KCNH1: variants seen among roughly 807,000 people sequenced by gnomAD.
The protein encoded by KCNH1 is potassium voltage-gated channel subfamily H member 1.
A neutral mutation model predicts 69.2 loss-of-function variants in KCNH1; 27 were observed. The ratio of observed to expected loss-of-function variants is 0.39; its 90% CI spans 0.29 to 0.54. KCNH1 has a LOEUF of 0.54. KCNH1 is among the 20% of genes least tolerant of loss of function. KCNH1 has a pLI of 0.68. For missense variants in KCNH1, 798 were observed against 1,261.6 expected (o/e 0.63, Z 5.57); for synonymous variants, 456 against 487.7 (o/e 0.93, Z 0.86).
chr1:210,855,109 C>G (rs1228752724), intron 7 of KCNH1, among the ~76,000 whole-genome samples: 1 of 152,098 alleles, frequency 6.6e-6, no homozygotes, highest in Non-Finnish European at 1.5e-5. Flanking sequence ...CTGGAAGTCT[C>G]CTCCCAAGAG....
At chr1:210,957,857 CT>C (rs1228156652) in intron 6 of KCNH1, among the ~76,000 whole-genome samples, 3 of 152,114 alleles carry the variant, frequency 2.0e-5, no homozygotes, top group African/African-American at 7.2e-5. Flanking sequence ...TGGGTCTTGC[CT>C]CTTTATCCAA....
intron 5 of KCNH1, among the ~76,000 whole-genome samples, chr1:211,054,857 G>A (rs979221807): frequency 1.3e-5 from 2 of 152,072 alleles, no homozygotes; most frequent in African/African-American, 4.8e-5. Flanking sequence ...GGGAAAGAGG[G>A]AGGAGAGAGA....
intron 9 of KCNH1, among the ~76,000 whole-genome samples, chr1:210,782,377 G>T (rs1391467518): frequency 6.6e-6 from 1 of 152,140 alleles, no homozygotes; most frequent in Non-Finnish European, 1.5e-5. Context: ...GTGGTATTTG[G>T]AGGTGAGATC....
At chr1:210,997,040 G>C (rs1424909483) in intron 6 of KCNH1, among the ~76,000 whole-genome samples, 1 of 152,126 alleles carries the variant, frequency 6.6e-6, no homozygotes, top group Non-Finnish European at 1.5e-5. Context: ...ACCAAAAGTA[G>C]ATAAAACCAC....
At chr1:210,939,306 A>G (rs1271787734) in intron 6 of KCNH1, among the ~76,000 whole-genome samples, 1 of 152,184 alleles carries the variant, frequency 6.6e-6, no homozygotes, top group African/African-American at 2.4e-5. Context: ...TGGCAATAAG[A>G]TGAAAAATTT....
At chr1:211,113,330 G>A (rs1691506715) in intron 1 of KCNH1, among the ~76,000 whole-genome samples, 1 of 152,130 alleles carries the variant, frequency 6.6e-6, no homozygotes, top group Admixed American at 6.5e-5. Flanking sequence ...CCATTTCTAT[G>A]AATACCGTTA....
chr1:210,880,980 C>A (rs1686480330), intron 7 of KCNH1, among the ~76,000 whole-genome samples: 1 of 151,450 alleles, frequency 6.6e-6, no homozygotes, highest in African/African-American at 2.4e-5. Flanking sequence ...TATTCCACAT[C>A]ATATACCATC....
intron 6 of KCNH1, among the ~76,000 whole-genome samples, chr1:211,006,595 C>G (rs1379671042): frequency 2.0e-5 from 3 of 152,126 alleles, no homozygotes; most frequent in African/African-American, 7.2e-5. Flanking sequence ...TGGTTACATT[C>G]TATTTCTTGA....
At chr1:210,860,737 A>G in intron 7 of KCNH1, 3 of 784,504 alleles carry the variant, frequency 3.8e-6, no homozygotes, top group Non-Finnish European at 7.0e-6. Flanking sequence ...GGCAGCTTCC[A>G]CTTTCACAGG....
intron 8 of KCNH1, among the ~76,000 whole-genome samples, chr1:210,799,861 C>T (rs996346812): frequency 6.6e-6 from 1 of 152,218 alleles, no homozygotes; most frequent in African/African-American, 2.4e-5. Flanking sequence ...GATGGCTTCA[C>T]TTATATCCCC....
At chr1:210,991,016 T>C (rs1456727354) in intron 6 of KCNH1, among the ~76,000 whole-genome samples, 1 of 152,094 alleles carries the variant, frequency 6.6e-6, no homozygotes, top group Non-Finnish European at 1.5e-5. Flanking sequence ...CCTTACTGTA[T>C]AAAATGATAT....
Position 210,680,551 on chromosome 1 carries a change from T to G in KCNH1, c.*2730A>C, listed in dbSNP as rs1681241313. On this transcript the variant is annotated 3_prime_UTR_variant, in exon 11 of 11. Coordinates refer to ENST00000271751, the MANE Select transcript of KCNH1 (RefSeq NM_172362.3). ...TCAGGTCACTGGTATCTGAGGCACA[T>G]GGTCCTGGCTCGGGAACCCAGAGTG... is the stretch of plus-strand genomic sequence containing the variant. 1 of 152,112 alleles carries G rather than the reference T, an allele frequency of 6.6e-6. No homozygotes were observed. Among genetic ancestry groups the G allele is most frequent in the African/African-American group, 2.4e-5 (1 of 41,402 alleles). The allele number at this position is 152,112 out of a possible 1,614,324, so 9.4% of individuals were successfully genotyped here.
At chr1:210,733,947 TCTCA>T (rs1274907986) in intron 10 of KCNH1, among the ~76,000 whole-genome samples, 6,073 of 142,150 alleles carry the variant, frequency 0.043, 213 homozygotes, top group East Asian at 0.12. Flanking sequence ...TGTCTGTCTG[TCTCA>T]CACACACACA....
At chr1:210,844,816 T>C (rs1176577933) in intron 7 of KCNH1, among the ~76,000 whole-genome samples, 4 of 151,904 alleles carry the variant, frequency 2.6e-5, no homozygotes, top group African/African-American at 9.7e-5. Context: ...ATCAACAAAA[T>C]TGATAGATCG....
intron 5 of KCNH1, among the ~76,000 whole-genome samples, chr1:211,064,134 C>T (rs1026992218): frequency 1.3e-5 from 2 of 152,174 alleles, no homozygotes; most frequent in Admixed American, 1.3e-4. Context: ...ATCCAAATAT[C>T]TATCAACAGG....
At chr1:211,068,111 T>A (rs1252038660) in intron 5 of KCNH1, among the ~76,000 whole-genome samples, 1 of 152,218 alleles carries the variant, frequency 6.6e-6, no homozygotes, top group African/African-American at 2.4e-5. Context: ...ACATGTGCAA[T>A]CTATTTAAAT....
intron 6 of KCNH1, among the ~76,000 whole-genome samples, chr1:210,969,530 T>C (rs945931504): frequency 6.6e-6 from 1 of 152,118 alleles, no homozygotes; most frequent in African/African-American, 2.4e-5. Flanking sequence ...CTAGGAATTT[T>C]ATTATTTGGT....
intron 1 of KCNH1, among the ~76,000 whole-genome samples, chr1:211,118,576 T>G (rs1190848546): frequency 6.6e-6 from 1 of 152,200 alleles, no homozygotes; most frequent in Non-Finnish European, 1.5e-5. Context: ...TCAGCCCACA[T>G]AGTTTTCCTC....
intron 10 of KCNH1, among the ~76,000 whole-genome samples, chr1:210,737,884 C>T (rs953090518): frequency 1.3e-5 from 2 of 152,176 alleles, no homozygotes; most frequent in African/African-American, 4.8e-5. Context: ...CTGTTTCTAC[C>T]CTTGTCCCAC....
Sources: allele counts gnomAD v4.1 joint callset (sites outside exome capture counted in the v4.1 genomes callset), GRCh38; gene constraint gnomAD v4.1.1; transcripts MANE v1.5; gene names NCBI Gene and HGNC (gene_info 2026-07-23, HGNC 2026-07-21).